The following PRKN variants were observed in gnomAD, a reference collection of about 807,000 sequenced individuals.
PRKN encodes parkin RBR E3 ubiquitin protein ligase.
Under a neutral mutation model 59.5 loss-of-function variants are expected in PRKN, and 56 were observed. The observed-to-expected ratio is 0.94, with a 90% CI of 0.76 to 1.18. The LOEUF (loss-of-function observed/expected upper bound fraction) is 1.18. PRKN is among the 50% of genes most tolerant of loss of function. PRKN has a pLI of 0.00. For synonymous variants in PRKN, 250 were observed against 222.1 expected (o/e 1.13, Z -1.12); for missense variants, 657 against 596.4 (o/e 1.10, Z -1.06).
intron 4 of PRKN, among the ~76,000 whole-genome samples, chr6:162,137,395 G>A (rs1954920): frequency 0.36 from 54,143 of 151,990 alleles, 9,922 homozygotes; most frequent in Middle Eastern, 0.43. Context: ...AAGCAGGTGA[G>A]GTACCTAAAA....
Position 162,056,154 on chromosome 6 carries a change from C to T in PRKN, c.535-1980G>A, listed in dbSNP as rs768895821. On this transcript the variant is annotated intron_variant, in intron 4 of 11. Transcript: ENST00000366898. The surrounding 1 kb of genome is among the most constrained non-coding windows in gnomAD (Gnocchi z 4.9). Reference sequence around the variant, plus strand: ...CACACCAAGACACACCACACACGCACGCACACCAAAACACACCACACATGC... The same window carrying T: ...CACACCAAGACACACCACACACGCATGCACACCAAAACACACCACACATGC... Among the ~76,000 whole-genome samples the T allele has an allele frequency of 7.3e-5, 11 of 150,952 alleles. No individual in the cohort carries two copies. Among genetic ancestry groups the T allele is most frequent in the African/African-American group, 1.7e-4 (7 of 41,038 alleles).
At chr6:162,390,528 G>A (rs1350204822) in intron 2 of PRKN, among the ~76,000 whole-genome samples, 1 of 151,102 alleles carries the variant, frequency 6.6e-6, no homozygotes, top group South Asian at 2.1e-4. Flanking sequence ...TGCAACCTTC[G>A]CCTCCCGGGT....
intron 4 of PRKN, among the ~76,000 whole-genome samples, chr6:162,103,055 A>G (rs1445856813): frequency 7.3e-5 from 11 of 151,634 alleles, no homozygotes; most frequent in Admixed American, 6.6e-5. Flanking sequence ...AAAAAAAAAA[A>G]AAAAGAAAAA....
At chr6:162,711,485 C>T (rs546878051) in intron 1 of PRKN, among the ~76,000 whole-genome samples, 106 of 151,858 alleles carry the variant, frequency 7.0e-4, no homozygotes, top group Non-Finnish European at 1.4e-3. Flanking sequence ...TCCGCTGTGC[C>T]GATGCCACCA....
rs140646023 is a variant in PRKN, at chr6:162,389,417, G to A, written c.171+53893C>T. On this transcript the variant is annotated intron_variant, in intron 2 of 11. Transcript: ENST00000366898. ...TAGTTGCTGTTCAGAGCCTCTGACT[G>A]GAAGTGAGGCATTTCCAAGTATCAA... 5.0e-3 allele frequency among the ~76,000 whole-genome samples: 756 copies of A among 152,212 alleles called. 5 individuals are homozygous for A. Among genetic ancestry groups the A allele is most frequent in the African/African-American group, 0.017 (698 of 41,516 alleles).
chr6:162,616,228 C>G (rs1782407101), intron 1 of PRKN, among the ~76,000 whole-genome samples: 1 of 152,140 alleles, frequency 6.6e-6, no homozygotes, highest in Admixed American at 6.5e-5. Flanking sequence ...TGTGCATTAT[C>G]CCATAGTAGT....
At chr6:161,886,905 A>G (rs1039397849) in intron 6 of PRKN, among the ~76,000 whole-genome samples, 9 of 152,158 alleles carry the variant, frequency 5.9e-5, no homozygotes, top group Non-Finnish European at 1.3e-4. Context: ...AAATGACTGA[A>G]ATCATACAAA....
rs953154117 is a variant in PRKN, at chr6:161,526,429, C to A, written c.1083+22425G>T. The stretch of plus-strand genomic sequence containing the variant: ...CAATGGGCAAAAAGTTTCTCGAATG[C>A]ACACAAACTAAAATATTAAGTGATA... On this transcript the variant is annotated intron_variant, in intron 9 of 11. Coordinates refer to ENST00000366898, the MANE Select transcript of PRKN (RefSeq NM_004562.3). This position sits in a 1 kb window ranked among gnomAD's most constrained non-coding sequence, Gnocchi z 4.1. 6.6e-6 allele frequency among the ~76,000 whole-genome samples: 1 copy of A among 152,178 alleles called. No homozygotes were observed. The highest frequency in any genetic ancestry group is 1.5e-5 in the Non-Finnish European group (1 of 68,008).
At chr6:162,505,334 C>A (rs1027317103) in intron 1 of PRKN, among the ~76,000 whole-genome samples, 12 of 152,138 alleles carry the variant, frequency 7.9e-5, no homozygotes, top group African/African-American at 2.4e-4. Flanking sequence ...GTGGTAGTGT[C>A]ATAAAAAGGC....
chr6:161,913,150 C>A (rs532098851), intron 6 of PRKN, among the ~76,000 whole-genome samples: 4 of 132,566 alleles, frequency 3.0e-5, no homozygotes, highest in African/African-American at 1.1e-4. Flanking sequence ...CTGGGCAACA[C>A]GAGCAAAACT....
intron 9 of PRKN, among the ~76,000 whole-genome samples, chr6:161,528,265 T>C (rs1779082727): frequency 6.6e-6 from 1 of 152,186 alleles, no homozygotes; most frequent in Admixed American, 6.5e-5. Flanking sequence ...CAGCTACAAA[T>C]ATCTCCTGAT....
chr6:162,451,032 A>C (rs1284826715), intron 1 of PRKN, among the ~76,000 whole-genome samples: 2 of 152,164 alleles, frequency 1.3e-5, no homozygotes, highest in East Asian at 1.9e-4. Context: ...AAATGTTCAT[A>C]TATATTAAAG....
intron 2 of PRKN, among the ~76,000 whole-genome samples, chr6:162,328,226 G>T (rs1041655135): frequency 6.3e-5 from 9 of 142,286 alleles, no homozygotes; most frequent in African/African-American, 1.8e-4. Context: ...GGGCATGGTG[G>T]TGCACACCTG....
At chr6:161,590,399 A>G (rs1483788444) in intron 7 of PRKN, among the ~76,000 whole-genome samples, 1 of 151,958 alleles carries the variant, frequency 6.6e-6, no homozygotes, top group Non-Finnish European at 1.5e-5. Context: ...GGAGTTCGTG[A>G]CCAGCCTAGC....
At chr6:162,430,685 A>G (rs1241472808) in intron 2 of PRKN, among the ~76,000 whole-genome samples, 2 of 152,128 alleles carry the variant, frequency 1.3e-5, no homozygotes, top group South Asian at 2.1e-4. Flanking sequence ...TACAGGCCAC[A>G]TTAATAGGCA....
rs1165247669 is a variant in PRKN at position 161,554,730 on chromosome 6, G to GTATA, written c.934-5728_934-5727insTATA. 7.2e-5 allele frequency among the ~76,000 whole-genome samples: 10 copies of GTATA among 137,968 alleles called. No individual in the cohort carries two copies. Among genetic ancestry groups the GTATA allele is most frequent in the South Asian group, 2.3e-4 (1 of 4,270 alleles). The allele number at this position is 137,968 out of a possible 152,430, so 90.5% of individuals were successfully genotyped here. On this transcript the variant is annotated intron_variant, in intron 8 of 11. Coordinates refer to ENST00000366898, the MANE Select transcript of PRKN (RefSeq NM_004562.3). This position sits in a 1 kb window ranked among gnomAD's most constrained non-coding sequence, Gnocchi z 4.5. ...ACAGGGATTGTGTGTGTGTGTGTGT[G>GTATA]TGTGTATATATATATATATATATAC...
chr6:161,823,746 C>T (rs1792130677), intron 6 of PRKN, among the ~76,000 whole-genome samples: 1 of 152,138 alleles, frequency 6.6e-6, no homozygotes, highest in East Asian at 1.9e-4. Context: ...GTGCAAACCC[C>T]GTGCACTGAG....
chr6:162,400,963 A>G (rs1464213899), intron 2 of PRKN, among the ~76,000 whole-genome samples: 10 of 152,198 alleles, frequency 6.6e-5, no homozygotes, highest in Non-Finnish European at 1.5e-4. Flanking sequence ...TTCTTGAATA[A>G]AATAGGAAAT....
chr6:161,822,779 C>T (rs1792085426), intron 6 of PRKN, among the ~76,000 whole-genome samples: 1 of 152,198 alleles, frequency 6.6e-6, no homozygotes, highest in Non-Finnish European at 1.5e-5. Context: ...CCATTTACCT[C>T]TGGACATTGT....
Sources: allele counts gnomAD v4.1 joint callset (sites outside exome capture counted in the v4.1 genomes callset), GRCh38; gene constraint gnomAD v4.1.1; non-coding constraint Gnocchi (gnomAD v3.1); transcripts MANE v1.5; gene names NCBI Gene and HGNC (gene_info 2026-07-23, HGNC 2026-07-21).